Variants in ANKMY1 observed in about 807,000 individuals in gnomAD.
The protein encoded by ANKMY1 is ankyrin repeat and MYND domain-containing protein 1.
ANKMY1 carries 98 observed loss-of-function variants against 102.0 expected under a neutral mutation model. That is an observed-to-expected ratio of 0.96 (90% CI 0.82 to 1.14). The LOEUF is 1.14. Ranked by LOEUF, ANKMY1 falls within the 50% of genes most tolerant of loss-of-function variation. The probability of loss-of-function intolerance (pLI) is 0.00; values close to 1 mark genes in which losing one functional copy is unlikely to be tolerated. For synonymous variants in ANKMY1, 582 were observed against 559.9 expected, an observed-to-expected ratio of 1.04 and a Z score of -0.56; for missense variants, 1,330 against 1,347.6, an observed-to-expected ratio of 0.99 and a Z score of 0.20.
intron 8 of ANKMY1, chr2:240,522,143 A>G (rs1374442709): frequency 1.5e-5 from 2 of 132,374 alleles, no homozygotes; most frequent in African/African-American, 2.6e-5. Context: ...CTGATTGGTC[A>G]ATTTTACAGA....
At position 240,506,476 on chromosome 2, in the gene ANKMY1, G is replaced by A. The variant is rs2079095589; in HGVS notation, c.2526+1084C>T. Among the ~76,000 whole-genome samples, 1 of 152,292 alleles carries A rather than the reference G, an allele frequency of 6.6e-6. No individual in the cohort carries two copies. The highest frequency in any genetic ancestry group is 2.4e-5 in the African/African-American group (1 of 41,556). On this transcript the variant is annotated intron_variant, in intron 13 of 17. Coordinates refer to ENST00000401804, the MANE Select transcript of ANKMY1 (RefSeq NM_001282771.3). This position sits in a 1 kb window ranked among gnomAD's most constrained non-coding sequence, Gnocchi z 4.9. ...CTATCCAGACAGAACAGGGTCTTAG[G>A]AAGAAGGACAGGAGACTTAAAATCA...
intron 5 of ANKMY1, chr2:240,526,785 A>G: frequency 4.0e-6 from 5 of 1,240,406 alleles, no homozygotes; most frequent in Non-Finnish European, 5.1e-6. Context: ...CCTGGGTAGG[A>G]TGGAGACCAA....
intron 15 of ANKMY1, among the ~76,000 whole-genome samples, chr2:240,492,637 A>T (rs958102426): frequency 1.3e-5 from 2 of 151,974 alleles, no homozygotes; most frequent in African/African-American, 4.8e-5. Context: ...ATTTATTTGT[A>T]TTGTTTGTTC....
chr2:240,554,464 T>G (rs2092036975), intron 3 of ANKMY1: 3 of 165,404 alleles, frequency 1.8e-5, no homozygotes, highest in Non-Finnish European at 4.0e-5. Context: ...GCATTGAATG[T>G]GGGCTCAGGA....
At chr2:240,538,657 C>T (rs1402664947) in intron 4 of ANKMY1, among the ~76,000 whole-genome samples, 1 of 152,188 alleles carries the variant, frequency 6.6e-6, no homozygotes, top group Admixed American at 6.5e-5. Flanking sequence ...GGAGTATGGG[C>T]GTGCAGTGAG....
At chr2:240,527,613 G>C (rs1181690497) in intron 5 of ANKMY1, 1 of 151,004 alleles carries the variant, frequency 6.6e-6, no homozygotes, top group Non-Finnish European at 1.5e-5. Flanking sequence ...CTGGATAAAT[G>C]GATGTTAAGT....
intron 9 of ANKMY1, among the ~76,000 whole-genome samples, chr2:240,517,483 T>C (rs1193242310): frequency 6.6e-6 from 1 of 152,094 alleles, no homozygotes; most frequent in African/African-American, 2.4e-5. Context: ...TGTGAAATAT[T>C]CCCGCAAAGC....
Position 240,500,010 on chromosome 2 carries a change from G to C in ANKMY1, c.2754C>G (p.Val918=). The change falls in exon 15 of 18, where the codon GTC becomes GTG. Residue 918 remains valine, a synonymous_variant. Transcript: ENST00000401804. ...GGTCCCACTGGCTCTCCTTGGCAAAGACAGCCTGCCGTAGCTGCAAGCCCA... is the reference window on the plus strand; with the variant it reads ...GGTCCCACTGGCTCTCCTTGGCAAACACAGCCTGCCGTAGCTGCAAGCCCA... ...EYMGLQLRQA[V]FAKESQWDPT... The C allele has an allele frequency of 6.2e-7, 1 of 1,613,002 alleles. No homozygotes were observed. Among genetic ancestry groups the C allele is most frequent in the African/African-American group, 1.3e-5 (1 of 75,054 alleles).
In ANKMY1 at chr2:240,481,115, C is replaced by T. The variant is rs745671054; in HGVS notation, c.2886-18G>A. 38 of 1,598,162 alleles carry T rather than the reference C, an allele frequency of 2.4e-5. No homozygotes were observed. The highest frequency in any genetic ancestry group is 4.0e-5 in the African/African-American group (3 of 74,672). On this transcript the variant is annotated intron_variant, in intron 16 of 17. Transcript: ENST00000401804. Reference sequence around the variant, plus strand: ...AGGGAATTCTGCAACAGAGCCTCACCGTCAGCAGGCGGCCACTCCAGAACC... The same window carrying T: ...AGGGAATTCTGCAACAGAGCCTCACTGTCAGCAGGCGGCCACTCCAGAACC...
downstream of ANKMY1, among the ~76,000 whole-genome samples, chr2:240,474,747 T>G (rs888785829): frequency 9.2e-5 from 14 of 152,344 alleles, no homozygotes; most frequent in African/African-American, 3.4e-4. Flanking sequence ...GCAAAGGACA[T>G]GATCTCATTC....
chr2:240,533,627 A>G (rs2085973695), intron 4 of ANKMY1, among the ~76,000 whole-genome samples: 1 of 152,068 alleles, frequency 6.6e-6, no homozygotes, highest in African/African-American at 2.4e-5. Context: ...CCACATTTCA[A>G]GTGCTCAGGA....
intron 7 of ANKMY1, among the ~76,000 whole-genome samples, chr2:240,524,653 C>T (rs2082996535): frequency 6.6e-6 from 1 of 152,210 alleles, no homozygotes; most frequent in Non-Finnish European, 1.5e-5. Context: ...CCTGTCCGCA[C>T]CCAGGTGCTT....
intron 16 of ANKMY1, among the ~76,000 whole-genome samples, chr2:240,481,559 TTCCTGTCCTGCACCAG>T (rs1467772817): frequency 2.0e-5 from 3 of 152,154 alleles, no homozygotes; most frequent in Non-Finnish European, 4.4e-5. Flanking sequence ...AAAAAGAGCC[TTCCTGTCCTGCACCAG>T]TCCCCTCTCC....
intron 7 of ANKMY1, among the ~76,000 whole-genome samples, chr2:240,524,981 T>TC (rs2083065288): frequency 6.6e-6 from 1 of 152,164 alleles, no homozygotes; most frequent in Non-Finnish European, 1.5e-5. Flanking sequence ...AACATAGAAA[T>TC]CGACTCTTCT....
At chr2:240,476,727 C>T (rs919126953), downstream of ANKMY1, among the ~76,000 whole-genome samples, 2 of 152,180 alleles carry the variant, frequency 1.3e-5, no homozygotes, top group South Asian at 2.1e-4. Flanking sequence ...AAACCTTACA[C>T]AAAAATTAAT....
chr2:240,472,164 C>T, the ANKMY1 span, among the ~76,000 whole-genome samples: 2 of 152,188 alleles, frequency 1.3e-5, no homozygotes, highest in African/African-American at 4.8e-5. Context: ...CTGGAGCGGT[C>T]CTGCCCACCC....
intron 4 of ANKMY1, among the ~76,000 whole-genome samples, chr2:240,538,210 G>A (rs1034558598): frequency 2.6e-5 from 4 of 152,238 alleles, no homozygotes; most frequent in East Asian, 1.9e-4. Flanking sequence ...CTGCTGCTGC[G>A]CTGTGGGGGC....
rs769104578 is a variant in ANKMY1, at chr2:240,526,452, A to G, written c.954-7T>C. ...GGTGTGAGCTGGCTTGTTCCTGGCAACACAACAAGTTTCAGTGGTCCTAGA... is the reference window on the plus strand; with the variant it reads ...GGTGTGAGCTGGCTTGTTCCTGGCAGCACAACAAGTTTCAGTGGTCCTAGA... On this transcript the variant is annotated splice_region_variant and splice_polypyrimidine_tract_variant and intron_variant, in intron 5 of 17. Coordinates refer to ENST00000401804, the MANE Select transcript of ANKMY1 (RefSeq NM_001282771.3). 5 of 1,613,944 alleles carry G rather than the reference A, an allele frequency of 3.1e-6. No individual in the cohort carries two copies. The highest frequency in any genetic ancestry group is 1.1e-5 in the South Asian group (1 of 91,078).
At chr2:240,496,575 A>T (rs2077297529) in intron 15 of ANKMY1, among the ~76,000 whole-genome samples, 1 of 152,124 alleles carries the variant, frequency 6.6e-6, no homozygotes, top group Admixed American at 6.6e-5. Context: ...GTTAATGACC[A>T]GCTGGGTTAA....
Sources: allele counts gnomAD v4.1 joint callset (sites outside exome capture counted in the v4.1 genomes callset), GRCh38; gene constraint gnomAD v4.1.1; non-coding constraint Gnocchi (gnomAD v3.1); transcripts MANE v1.5; gene names NCBI Gene and HGNC (gene_info 2026-07-23, HGNC 2026-07-21).